COL4A2: variants seen among roughly 807,000 people sequenced by gnomAD.
The protein encoded by COL4A2 is collagen alpha-2(IV) chain.
COL4A2 carries 99 observed loss-of-function variants against 200.2 expected under a neutral mutation model. That is an observed-to-expected ratio of 0.49 (90% confidence interval 0.42 to 0.58). COL4A2 has a LOEUF of 0.58. Among genes scored for constraint, COL4A2 ranks in the 20% least tolerant of loss-of-function variants. COL4A2 has a pLI of 0.00. For synonymous variants in COL4A2, 897 were observed against 900.6 expected, an observed-to-expected ratio of 1.00 and a Z score of 0.07; for missense variants, 1,950 against 2,314.1, an observed-to-expected ratio of 0.84 and a Z score of 3.23.
Position 110,434,396 on chromosome 13 carries a change from T to G in COL4A2, c.685-5T>G. 1 of 1,612,344 alleles carries G rather than the reference T, an allele frequency of 6.2e-7. No homozygotes were observed. Among genetic ancestry groups the G allele is most frequent in the Non-Finnish European group, 8.5e-7 (1 of 1,179,348 alleles). ...AAAACTTACAGAAATTATTTATCTTTTCAGGGCAACAGAGGACTTGGTTTC... is the reference window on the plus strand; with the variant it reads ...AAAACTTACAGAAATTATTTATCTTGTCAGGGCAACAGAGGACTTGGTTTC... On this transcript the variant is annotated splice_polypyrimidine_tract_variant and splice_region_variant and intron_variant, in intron 11 of 47. Transcript: ENST00000360467.
intron 22 of COL4A2, 122 bp downstream of exon 22, chr13:110,459,056 G>A: frequency 9.9e-7 from 1 of 1,012,324 alleles, no homozygotes; most frequent in Non-Finnish European, 1.4e-6. Flanking sequence ...TGGACCCAAG[G>A]CATGGCTAAA....
Position 110,307,428 on chromosome 13 carries a change from A to C in COL4A2, c.-145A>C. On this transcript the variant is annotated 5_prime_UTR_variant, in exon 1 of 48. Transcript: ENST00000360467. The surrounding 1 kb of genome is among the most constrained non-coding windows in gnomAD (Gnocchi z 5.0). ...GCCCGAGCCCCCGGGGCCGGCGCCCAGAGAGCCCAGCAAGGCCGGCCGCCC... is the reference window on the plus strand; with the variant it reads ...GCCCGAGCCCCCGGGGCCGGCGCCCCGAGAGCCCAGCAAGGCCGGCCGCCC... The C allele has an allele frequency of 4.9e-6, 1 of 202,226 alleles. No homozygotes were observed. The highest frequency in any genetic ancestry group is 1.1e-4 in the East Asian group (1 of 8,842). The allele number at this position is 202,226 out of a possible 1,614,324, so 12.5% of individuals were successfully genotyped here.
At chr13:110,370,488 C>T (rs556828903) in intron 4 of COL4A2, among the ~76,000 whole-genome samples, 2 of 152,306 alleles carry the variant, frequency 1.3e-5, no homozygotes, top group South Asian at 2.1e-4. Context: ...AACTCCTGAC[C>T]TCGTGGTCCG....
chr13:110,332,270 A>G (rs1013273426), intron 3 of COL4A2, among the ~76,000 whole-genome samples: 2 of 152,220 alleles, frequency 1.3e-5, no homozygotes, highest in Non-Finnish European at 1.5e-5. Context: ...TGAAACCTAC[A>G]TAAGGGCTAT....
At chr13:110,340,837 C>G (rs781472354) in intron 3 of COL4A2, 2 of 152,166 alleles carry the variant, frequency 1.3e-5, no homozygotes, top group African/African-American at 2.4e-5. Flanking sequence ...TGGGTACTCT[C>G]GGGGCGTTTT....
rs564625819 is a variant in COL4A2 at position 110,469,574 on chromosome 13, C to G, written c.2203+250C>G. On this transcript the variant is annotated intron_variant, in intron 28 of 47. Coordinates refer to ENST00000360467, the MANE Select transcript of COL4A2 (RefSeq NM_001846.4). The stretch of plus-strand genomic sequence containing the variant: ...AGACAGGTGTTTCGGAATGGCTGTC[C>G]TCCGCAACACCTGTCTCCCAGGTAT... Among the ~76,000 whole-genome samples the G allele has an allele frequency of 4.0e-3, 613 of 152,268 alleles. 2 individuals carry two copies. Among genetic ancestry groups the G allele is most frequent in the Non-Finnish European group, 6.1e-3 (417 of 68,018 alleles).
In COL4A2 at chr13:110,336,520, G is replaced by A. The variant is rs560190537; in HGVS notation, c.100-20952G>A. 1.6e-3 allele frequency among the ~76,000 whole-genome samples: 237 copies of A among 152,254 alleles called. 2 individuals are homozygous for A. Among genetic ancestry groups the A allele is most frequent in the Admixed American group, 0.015 (222 of 15,300 alleles). On this transcript the variant is annotated intron_variant, in intron 3 of 47. Coordinates refer to ENST00000360467, the MANE Select transcript of COL4A2 (RefSeq NM_001846.4). ...GCTGGGCTTTCTTTCTGATCCTTAC[G>A]ACGACCTGGCCTAGTAGGCCTCATT... is the stretch of plus-strand genomic sequence containing the variant.
intron 3 of COL4A2, among the ~76,000 whole-genome samples, chr13:110,318,278 G>C (rs898172192): frequency 6.6e-6 from 1 of 152,210 alleles, no homozygotes; most frequent in Non-Finnish European, 1.5e-5. Flanking sequence ...GCAAGGACAA[G>C]CAAGGAACCG....
chr13:110,402,462 G>T (rs1879404304), intron 4 of COL4A2, among the ~76,000 whole-genome samples: 2 of 152,176 alleles, frequency 1.3e-5, no homozygotes, highest in Non-Finnish European at 2.9e-5. Flanking sequence ...ACACACTGGG[G>T]TGGGGATTGG....
At chr13:110,325,173 C>T (rs566988440) in intron 3 of COL4A2, among the ~76,000 whole-genome samples, 1 of 152,300 alleles carries the variant, frequency 6.6e-6, no homozygotes, top group East Asian at 1.9e-4. Flanking sequence ...CCACATGTGT[C>T]CATAATAATA....
At chr13:110,462,559 C>A in intron 24 of COL4A2, 175 bp downstream of exon 24, 2 of 593,288 alleles carry the variant, frequency 3.4e-6, no homozygotes, top group East Asian at 2.9e-5. Context: ...TTTTAGGAAA[C>A]GGTGAATTAA....
At chr13:110,483,272 A>G (rs1322121355) in intron 32 of COL4A2, among the ~76,000 whole-genome samples, 1 of 152,156 alleles carries the variant, frequency 6.6e-6, no homozygotes, top group Non-Finnish European at 1.5e-5. Flanking sequence ...TGTGTTGGTG[A>G]GGAGGTGGAG....
chr13:110,315,906 G>A (rs563118750), intron 3 of COL4A2, among the ~76,000 whole-genome samples: 1 of 152,206 alleles, frequency 6.6e-6, no homozygotes, highest in Non-Finnish European at 1.5e-5. Flanking sequence ...TCCTTTGGAT[G>A]AGGAGTACAG....
chr13:110,397,147 C>G (rs1296609093), intron 4 of COL4A2, among the ~76,000 whole-genome samples: 1 of 152,186 alleles, frequency 6.6e-6, no homozygotes, highest in Admixed American at 6.5e-5. Flanking sequence ...TTTTGGAAAA[C>G]CTCCTCTGGC....
intron 21 of COL4A2, chr13:110,457,668 A>T (rs1594082459): frequency 1.5e-6 from 1 of 658,858 alleles, no homozygotes; most frequent in South Asian, 1.5e-5. Context: ...TCCATCTGCC[A>T]TCCTCGTCAC....
At position 110,449,816 on chromosome 13, in the gene COL4A2, C is replaced by T. The variant is rs117773239; in HGVS notation, c.1189+27C>T. The T allele has an allele frequency of 4.0e-3, 6,146 of 1,542,492 alleles. 18 individuals carry two copies. Among genetic ancestry groups the T allele is most frequent in the Non-Finnish European group, 4.8e-3 (5,454 of 1,144,760 alleles). Reference sequence around the variant, plus strand: ...TAATGTGGCTTCATAATATCAACACCGGAGACCCAAAGCACCTGCACTCAG... The same window carrying T: ...TAATGTGGCTTCATAATATCAACACTGGAGACCCAAAGCACCTGCACTCAG... On this transcript the variant is annotated intron_variant, in intron 19 of 47. Transcript: ENST00000360467.
At position 110,508,074 on chromosome 13, in the gene COL4A2, G is replaced by A; in HGVS notation, c.4734G>A (p.Val1578=). Residue 1578 remains valine, a synonymous_variant, in exon 47 of 48, where the codon GTG becomes GTA. Transcript: ENST00000360467. The surrounding 1 kb of genome is among the most constrained non-coding windows in gnomAD (Gnocchi z 6.1). ...CTGCGCCGCTGCCCATGATGCCCGT[G>A]GCCGAGGACGAGATCAAGCCCTACA... ...STTAPLPMMP[V]AEDEIKPYIS... is the part of the protein sequence containing the mutation. The A allele has an allele frequency of 6.2e-7, 1 of 1,614,260 alleles. No individual in the cohort carries two copies.
chr13:110,507,085 G>A (rs72659606), intron 46 of COL4A2, among the ~76,000 whole-genome samples: 21,735 of 152,208 alleles, frequency 0.14, 1,803 homozygotes, highest in South Asian at 0.19. Flanking sequence ...ACGCGACTTC[G>A]AATACAGAAA....
rs1881004412 is a variant in COL4A2, at chr13:110,438,797, T to TCCCCC, written c.912+133_912+134insCCCCC. On this transcript the variant is annotated intron_variant, in intron 15 of 47. Transcript: ENST00000360467. ...AAGTATAGAGATTTCCCGTTATTAC[T>TCCCCC]CCCCACCCCCCCCCACACACACACA... 4.4e-5 allele frequency: 36 copies of TCCCCC among 816,356 alleles called. No individual in the cohort carries two copies. In the African/African-American group the frequency reaches 7.2e-4, roughly 16 times the overall value. The allele number at this position is 816,356 out of a possible 1,614,324, so 50.6% of individuals were successfully genotyped here. A position where few individuals can be genotyped will look rare whatever the true frequency, so the allele number is the denominator to read the frequency against.
Sources: gnomAD v4.1 joint callset for allele counts (sites outside exome capture counted in the v4.1 genomes callset) on GRCh38, gnomAD v4.1.1 for gene constraint, Gnocchi (gnomAD v3.1) non-coding constraint, MANE v1.5 for transcripts, NCBI Gene and HGNC (gene_info 2026-07-23, HGNC 2026-07-21) for gene names.